Variants in APBB1IP observed in about 807,000 individuals in gnomAD.
The protein encoded by APBB1IP is amyloid beta precursor protein binding family B member 1 interacting protein, also known as amyloid beta A4 precursor protein-binding family B member 1-interacting protein.
APBB1IP carries 27 observed loss-of-function variants against 64.9 expected under a neutral mutation model. The ratio of observed to expected loss-of-function variants is 0.42; its 90% CI spans 0.31 to 0.57. The LOEUF is 0.57. Ranked by LOEUF, APBB1IP falls within the 20% of genes least tolerant of loss-of-function variation. APBB1IP has a pLI of 0.20. For missense variants in APBB1IP, 812 were observed against 845.5 expected (o/e 0.96, Z 0.49); for synonymous variants, 392 against 331.0 (o/e 1.18, Z -2.00).
intron 2 of APBB1IP, among the ~76,000 whole-genome samples, chr10:26,445,420 T>C (rs10764611): frequency 1.3e-5 from 2 of 151,952 alleles, no homozygotes; most frequent in African/African-American, 4.8e-5. Flanking sequence ...ATTCTTTTTT[T>C]AATTGTTCTT....
At chr10:26,561,923 A>G (rs567155881) in intron 13 of APBB1IP, 1 of 172,010 alleles carries the variant, frequency 5.8e-6, no homozygotes, top group Non-Finnish European at 1.3e-5. Flanking sequence ...AATACATTTT[A>G]AAAAAATCAA....
At chr10:26,473,709 C>T (rs1342306593) in intron 2 of APBB1IP, among the ~76,000 whole-genome samples, 4 of 152,086 alleles carry the variant, frequency 2.6e-5, no homozygotes, top group Admixed American at 2.0e-4. Context: ...AATATAGAAA[C>T]ATACATTCTT....
chr10:26,551,942 GA>G (rs1836836182), intron 11 of APBB1IP, among the ~76,000 whole-genome samples: 5 of 151,912 alleles, frequency 3.3e-5, no homozygotes, highest in Non-Finnish European at 7.4e-5. Flanking sequence ...TGGATGGATG[GA>G]TGGATGGATG....
At chr10:26,562,274 G>A (rs1003407762) in intron 13 of APBB1IP, 52 bp from the exon 14 acceptor site, 10 of 1,356,402 alleles carry the variant, frequency 7.4e-6, no homozygotes, top group East Asian at 4.6e-5. Flanking sequence ...CGACTTTCAA[G>A]AATGTTGAAA....
chr10:26,535,495 G>A (rs893166329), intron 9 of APBB1IP, among the ~76,000 whole-genome samples: 3 of 151,986 alleles, frequency 2.0e-5, no homozygotes, highest in Non-Finnish European at 4.4e-5. Context: ...TTAAATGTAC[G>A]ATTAAGTTAT....
At chr10:26,560,511 A>C (rs181774222) in intron 12 of APBB1IP, among the ~76,000 whole-genome samples, 1 of 152,328 alleles carries the variant, frequency 6.6e-6, no homozygotes, top group Non-Finnish European at 1.5e-5. Flanking sequence ...GCTCTTCTCT[A>C]ATATGTAGGT....
chr10:26,454,189 C>A lies in APBB1IP; in HGVS notation c.-1+15336C>A, dbSNP rs187006951. Among the ~76,000 whole-genome samples, 7 of 152,284 alleles carry A rather than the reference C, an allele frequency of 4.6e-5. No homozygotes were observed. The East Asian group carries it at 1.3e-3, about 29-fold the overall frequency. On this transcript the variant is annotated intron_variant, in intron 2 of 14. Transcript: ENST00000376236. ...AGTGCAGTGGCTCACGCCTGTAATA[C>A]CAGCACTTTGGGAGGCTGAGGCAGG...
intron 12 of APBB1IP, among the ~76,000 whole-genome samples, chr10:26,560,480 A>C (rs787018): frequency 6.6e-6 from 1 of 152,064 alleles, no homozygotes; most frequent in African/African-American, 2.4e-5. Context: ...ATAAAGACAC[A>C]CGTAATCAGA....
At chr10:26,516,563 T>TAAAAAAAAAAAAAAAAAAAAAAAAAAA (rs1198670517) in intron 8 of APBB1IP, among the ~76,000 whole-genome samples, 12 of 53,228 alleles carry the variant, frequency 2.3e-4, no homozygotes, top group African/African-American at 7.5e-4. Flanking sequence ...AAAAAAAAAG[T>TAAAAAAAAAAAAAAAAAAAAAAAAAAA]AAAGCGGAAA....
intron 8 of APBB1IP, among the ~76,000 whole-genome samples, chr10:26,530,757 C>G (rs1201693906): frequency 1.3e-5 from 2 of 151,934 alleles, no homozygotes; most frequent in Non-Finnish European, 2.9e-5. Flanking sequence ...ATCACTTAAT[C>G]CTCTGTGTCC....
intron 11 of APBB1IP, among the ~76,000 whole-genome samples, chr10:26,552,801 T>C (rs551558064): frequency 0.011 from 1,626 of 152,258 alleles, 23 homozygotes; most frequent in African/African-American, 0.037. Context: ...TGGAACCACA[T>C]CGTCAGCCAC....
intron 12 of APBB1IP, 70 bp downstream of exon 12, chr10:26,560,273 C>A: frequency 7.1e-7 from 1 of 1,409,352 alleles, no homozygotes. Context: ...GCACAGCCTT[C>A]CTGGTACTGT....
intron 2 of APBB1IP, among the ~76,000 whole-genome samples, chr10:26,463,091 C>T (rs527893994): frequency 5.3e-5 from 8 of 152,122 alleles, no homozygotes; most frequent in African/African-American, 1.4e-4. Context: ...CGTTATTTGC[C>T]GAAGCCAGCA....
chr10:26,533,478 G>GAA lies in APBB1IP; in HGVS notation c.855_856dup (p.Thr286LysfsTer6). Reference sequence around the variant, plus strand: ...TAACAGAGGAAAAAAAGAAAGCAAGGAAACTAATGAGAAAATGAATGCTAA... The same window carrying GAA: ...TAACAGAGGAAAAAAAGAAAGCAAGGAAAAACTAATGAGAAAATGAATGCTAA... On this transcript the variant is annotated frameshift_variant, in exon 9 of 15. Transcript: ENST00000376236. LOFTEE classifies it high-confidence loss of function. 1.2e-6 allele frequency: 2 copies of GAA among 1,605,052 alleles called. No homozygotes were observed. The highest frequency in any genetic ancestry group is 1.7e-6 in the Non-Finnish European group (2 of 1,176,378).
At chr10:26,488,759 G>A (rs1428789190) in intron 2 of APBB1IP, among the ~76,000 whole-genome samples, 1 of 152,202 alleles carries the variant, frequency 6.6e-6, no homozygotes, top group Non-Finnish European at 1.5e-5. Flanking sequence ...CACTGATGCT[G>A]TGTTTGATTC....
chr10:26,497,393 T>C (rs1205198248), intron 4 of APBB1IP, among the ~76,000 whole-genome samples: 3 of 149,276 alleles, frequency 2.0e-5, no homozygotes, highest in Non-Finnish European at 4.5e-5. Context: ...CTACTAAAAA[T>C]ACAAAAAATT....
At chr10:26,464,777 G>C (rs540013070) in intron 2 of APBB1IP, among the ~76,000 whole-genome samples, 1 of 152,158 alleles carries the variant, frequency 6.6e-6, no homozygotes, top group African/African-American at 2.4e-5. Context: ...ACCAAGTTAA[G>C]TAAGTTACTC....
At chr10:26,470,232 C>T (rs1245485752) in intron 2 of APBB1IP, among the ~76,000 whole-genome samples, 1 of 152,180 alleles carries the variant, frequency 6.6e-6, no homozygotes, top group East Asian at 1.9e-4. Context: ...AGATGTTCAA[C>T]TCTTCATTAT....
chr10:26,542,951 C>A (rs1315416205), intron 11 of APBB1IP, among the ~76,000 whole-genome samples: 1 of 148,242 alleles, frequency 6.7e-6, no homozygotes, highest in Non-Finnish European at 1.5e-5. Flanking sequence ...GGGCATGGAG[C>A]AGGGACTACT....
Sources: allele counts gnomAD v4.1 joint callset (sites outside exome capture counted in the v4.1 genomes callset), GRCh38; gene constraint gnomAD v4.1.1; transcripts MANE v1.5; gene names NCBI Gene and HGNC (gene_info 2026-07-23, HGNC 2026-07-21).